The following CHSY3 variants were observed in gnomAD, a reference collection of about 807,000 sequenced individuals.
CHSY3 encodes N-acetylgalactosaminyl-proteoglycan 3-beta-glucuronosyltransferase 3.
Under a neutral mutation model 67.2 loss-of-function variants are expected in CHSY3, and 35 were observed. The observed-to-expected ratio is 0.52, with a 90% confidence interval of 0.40 to 0.69. CHSY3 has a LOEUF of 0.69. Among genes scored for constraint, CHSY3 ranks in the 30% least tolerant of loss-of-function variants. The pLI, the probability that CHSY3 is intolerant of heterozygous loss-of-function variation, is 0.00. For synonymous variants in CHSY3, 474 were observed against 434.7 expected (o/e 1.09, Z -1.12); for missense variants, 1,069 against 1,138.5 (o/e 0.94, Z 0.88).
intron 2 of CHSY3, among the ~76,000 whole-genome samples, chr5:130,143,732 G>GTATATATATATATATATATATATA (rs1468717884): frequency 1.0e-5 from 1 of 99,288 alleles, no homozygotes; most frequent in African/African-American, 4.2e-5. Flanking sequence ...GTGTGTGTGT[G>GTATATATATATATATATATATATA]TGTATATATA....
chr5:130,151,738 C>T (rs1348066359), intron 2 of CHSY3, among the ~76,000 whole-genome samples: 1 of 152,102 alleles, frequency 6.6e-6, no homozygotes, highest in Admixed American at 6.5e-5. Flanking sequence ...TGAGAACTCA[C>T]TCAGTATCAT....
rs551341441 is a variant in CHSY3, at chr5:130,032,694, G to A, written c.1086+124334G>A. ...AAATGAGTACCCAGGTTAGACATAC[G>A]CCTGGGAAATCAAAGCTGAATACGA... On this transcript the variant is annotated intron_variant, in intron 2 of 2. Transcript: ENST00000305031. 4.6e-5 allele frequency among the ~76,000 whole-genome samples: 7 copies of A among 152,216 alleles called. No homozygotes were observed. In the East Asian group the frequency reaches 7.7e-4, roughly 17 times the overall value.
At chr5:129,908,475 T>C in intron 2 of CHSY3, 115 bp downstream of exon 2, 1 of 1,434,252 alleles carries the variant, frequency 7.0e-7, no homozygotes, top group Non-Finnish European at 9.3e-7. Flanking sequence ...TTGAAAGTGA[T>C]AGTAGCAGCC....
At chr5:130,104,420 G>A (rs1187347229) in intron 2 of CHSY3, among the ~76,000 whole-genome samples, 1 of 151,846 alleles carries the variant, frequency 6.6e-6, no homozygotes, top group Middle Eastern at 3.4e-3. Context: ...CTTCCATCAC[G>A]GTAATGTGCT....
At chr5:130,046,623 CAATT>C (rs752739615) in intron 2 of CHSY3, among the ~76,000 whole-genome samples, 24 of 152,126 alleles carry the variant, frequency 1.6e-4, no homozygotes, top group African/African-American at 4.8e-4. Context: ...AACATACAAT[CAATT>C]GTCAATTAGA....
intron 2 of CHSY3, among the ~76,000 whole-genome samples, chr5:129,938,094 C>G (rs116674696): frequency 6.6e-6 from 1 of 152,176 alleles, no homozygotes; most frequent in Non-Finnish European, 1.5e-5. Context: ...CTCTGTGCAC[C>G]CAGAGGCTTA....
intron 2 of CHSY3, among the ~76,000 whole-genome samples, chr5:130,037,053 A>C (rs1170296934): frequency 2.6e-5 from 4 of 152,176 alleles, no homozygotes; most frequent in Non-Finnish European, 5.9e-5. Flanking sequence ...GCTTATTGGA[A>C]GTAGGATGTA....
chr5:130,033,936 T>C (rs2149661566), intron 2 of CHSY3, among the ~76,000 whole-genome samples: 1 of 152,332 alleles, frequency 6.6e-6, no homozygotes, highest in East Asian at 1.9e-4. Flanking sequence ...AAGGTAGTTT[T>C]AAATTGGAAA....
At chr5:130,063,643 G>A (rs1012330568) in intron 2 of CHSY3, among the ~76,000 whole-genome samples, 3 of 152,050 alleles carry the variant, frequency 2.0e-5, no homozygotes, top group Non-Finnish European at 2.9e-5. Context: ...TACCACAACC[G>A]AATACCACAG....
chr5:130,131,571 G>A (rs551926096), intron 2 of CHSY3, among the ~76,000 whole-genome samples: 2 of 152,126 alleles, frequency 1.3e-5, no homozygotes, highest in South Asian at 2.1e-4. Flanking sequence ...TCATTGAATA[G>A]ACAAGGAAAC....
At chr5:130,017,050 A>G (rs1043615821) in intron 2 of CHSY3, among the ~76,000 whole-genome samples, 2 of 152,196 alleles carry the variant, frequency 1.3e-5, no homozygotes, top group Non-Finnish European at 2.9e-5. Context: ...GATAAGGACC[A>G]GGAAGAATGC....
intron 2 of CHSY3, among the ~76,000 whole-genome samples, chr5:130,003,112 G>GT (rs771733112): frequency 1.0e-3 from 157 of 152,282 alleles, no homozygotes; most frequent in Non-Finnish European, 1.8e-3. Context: ...CTGTTGTCCT[G>GT]TTTTTGATGT....
rs1770362590 is a variant in CHSY3, at chr5:130,184,768, C to G, written c.1626C>G (p.Leu542=). 6.2e-7 allele frequency: 1 copy of G among 1,600,732 alleles called. No homozygotes were observed. The highest frequency in any genetic ancestry group is 1.1e-5 in the South Asian group (1 of 90,814). ...GGGTGGAGTACATTTTGGATTTACT[C>G]CTTTTATACAAAAGACACAAGGGAA... ...MHGVEYILDL[L]LLYKRHKGRK... The change falls in exon 3 of 3, where the codon CTC becomes CTG. Residue 542 remains leucine, a synonymous_variant. Coordinates refer to ENST00000305031, the MANE Select transcript of CHSY3 (RefSeq NM_175856.5).
chr5:130,149,723 A>G (rs1255677657), intron 2 of CHSY3, among the ~76,000 whole-genome samples: 2 of 152,238 alleles, frequency 1.3e-5, no homozygotes, highest in Non-Finnish European at 2.9e-5. Flanking sequence ...TGCATTAATG[A>G]CTAAAATTCT....
intron 2 of CHSY3, among the ~76,000 whole-genome samples, chr5:130,177,161 T>C (rs765681208): frequency 1.3e-5 from 2 of 150,512 alleles, no homozygotes; most frequent in African/African-American, 4.9e-5. Flanking sequence ...ATGGGGCATA[T>C]AATAATTTTT....
chr5:129,927,978 T>C (rs1363271089), intron 2 of CHSY3, among the ~76,000 whole-genome samples: 1 of 152,098 alleles, frequency 6.6e-6, no homozygotes, highest in Non-Finnish European at 1.5e-5. Context: ...GTGATTCTTA[T>C]TGGCCAATTC....
At chr5:130,082,120 A>G (rs1246862479) in intron 2 of CHSY3, among the ~76,000 whole-genome samples, 1 of 152,018 alleles carries the variant, frequency 6.6e-6, no homozygotes, top group Non-Finnish European at 1.5e-5. Flanking sequence ...TCCCATCTGA[A>G]TCCAGGTTAA....
chr5:129,920,179 A>G (rs1313376778), intron 2 of CHSY3, among the ~76,000 whole-genome samples: 1 of 152,210 alleles, frequency 6.6e-6, no homozygotes. Flanking sequence ...GATTCCATGT[A>G]GAAGTGAGGA....
At chr5:130,175,050 T>C (rs185419141) in intron 2 of CHSY3, among the ~76,000 whole-genome samples, 36 of 152,292 alleles carry the variant, frequency 2.4e-4, no homozygotes, top group Admixed American at 1.3e-3. Flanking sequence ...TCTAAGAACT[T>C]GCTTTATGAA....
Sources: gnomAD v4.1 joint callset for allele counts (sites outside exome capture counted in the v4.1 genomes callset) on GRCh38, gnomAD v4.1.1 for gene constraint, MANE v1.5 for transcripts, NCBI Gene and HGNC (gene_info 2026-07-23, HGNC 2026-07-21) for gene names.